KLHL17: variants seen among roughly 807,000 people sequenced by gnomAD.
KLHL17 encodes the protein kelch-like protein 17.
In KLHL17, 71 loss-of-function variants were observed where a neutral mutation model predicts 64.6. That is an observed-to-expected ratio of 1.10 (90% CI 0.91 to 1.34). The LOEUF (loss-of-function observed/expected upper bound fraction) is 1.34, where lower values mean the gene tolerates loss of function less well. Among genes scored for constraint, KLHL17 ranks in the 40% most tolerant of loss-of-function variants. KLHL17 has a pLI of 0.00. For missense variants in KLHL17, 1,140 were observed against 935.0 expected (o/e 1.22, Z -2.86); for synonymous variants, 612 against 405.4 (o/e 1.51, Z -6.12).
rs756357893 is a variant in KLHL17, at chr1:963,127, C to G, written c.1061C>G (p.Ala354Gly). ...LFAVGGGSLF[A>G]IHGDCEAYDT... ...TCCCCAGGCGGCGGGAGCCTGTTTG[C>G]CATCCACGGAGACTGTGAGGCCTAC... is the stretch of plus-strand genomic sequence containing the variant. Residue 354 changes from alanine (A) to glycine (G), a missense_variant, in exon 7 of 12, where the codon GCC becomes GGC. Ala to Gly is a moderately conservative substitution (Grantham distance 60). Transcript: ENST00000338591. The G allele has an allele frequency of 6.2e-7, 1 of 1,611,832 alleles. No individual in the cohort carries two copies. Among genetic ancestry groups the G allele is most frequent in the Non-Finnish European group, 8.5e-7 (1 of 1,179,508 alleles).
chr1:964,037 T>A, intron 9 of KLHL17, 29 bp downstream of exon 9: 2 of 1,612,068 alleles, frequency 1.2e-6, no homozygotes. Context: ...CTGGGGGGCA[T>A]CCCCACCTTC....
intron 6 of KLHL17, 45 bp downstream of exon 6, chr1:962,962 C>G (rs1259524050): frequency 6.6e-7 from 1 of 1,519,406 alleles, no homozygotes; most frequent in Admixed American, 2.0e-5. Flanking sequence ...GCCTTCTACT[C>G]CCCACCAGCA....
At chr1:964,817 G>A (rs1434142960) in intron 11 of KLHL17, 146 bp from the exon 12 acceptor site, 1 of 639,280 alleles carries the variant, frequency 1.6e-6, no homozygotes, top group Admixed American at 2.9e-5. Flanking sequence ...CCGGGAGGGG[G>A]GCGCGGGTCC....
rs1388363650 is a variant in KLHL17, at chr1:960,770, C to T, written c.77C>T (p.Ala26Val). Residue 26 changes from alanine (A) to valine (V), a missense_variant, in exon 1 of 12, where the codon GCG (alanine) becomes GTG (valine). By Grantham distance (64) the Ala-to-Val change is moderately conservative. Coordinates refer to ENST00000338591, the MANE Select transcript of KLHL17 (RefSeq NM_198317.3). The stretch of plus-strand genomic sequence containing the variant: ...GGCAGCCCGGGGCCCGGGCCCGAGG[C>T]GCCGCCGCCTCCACCGCCGCAGCCG... ...EHGSPGPGPE[A>V]PPPPPPQPPA... 1.1e-5 allele frequency: 12 copies of T among 1,125,130 alleles called. No homozygotes were observed. The highest frequency in any genetic ancestry group is 1.1e-5 in the Non-Finnish European group (10 of 918,198). The allele number at this position is 1,125,130 out of a possible 1,614,324, so 69.7% of individuals were successfully genotyped here.
rs776028783 is a variant in KLHL17, at chr1:960,674, GC to G, written c.-19del. 1 of 1,370,770 alleles carries G rather than the reference GC, an allele frequency of 7.3e-7. No homozygotes were observed. The highest frequency in any genetic ancestry group is 1.4e-5 in the South Asian group (1 of 69,096). 84.9% of individuals were successfully genotyped at this position (1,370,770 alleles called of 1,614,324 possible). On this transcript the variant is annotated 5_prime_UTR_variant, in exon 1 of 12. Coordinates refer to ENST00000338591, the MANE Select transcript of KLHL17 (RefSeq NM_198317.3). ...AAGCCCGCGGGTCCTCCGCGAATCGGCGGTGGGTCCGGCAGCCGAATGCAGC... is the reference window on the plus strand; with the variant it reads ...AAGCCCGCGGGTCCTCCGCGAATCGGGGTGGGTCCGGCAGCCGAATGCAGC...
At chr1:962,569 C>T (rs1008856344) in intron 5 of KLHL17, 98 bp downstream of exon 5, 35 of 1,538,602 alleles carry the variant, frequency 2.3e-5, no homozygotes, top group Admixed American at 5.8e-5. Flanking sequence ...TCAGGGACTC[C>T]GTGGGGGTGG....
At position 964,097 on chromosome 1, in the gene KLHL17, C is replaced by A; in HGVS notation, c.1445-10C>A. 1.9e-6 allele frequency: 3 copies of A among 1,612,696 alleles called. No individual in the cohort carries two copies. The highest frequency in any genetic ancestry group is 2.2e-5 in the South Asian group (2 of 91,090). On this transcript the variant is annotated splice_polypyrimidine_tract_variant and intron_variant, in intron 9 of 11. Transcript: ENST00000338591. ...AGCAGGAGTGCCACGGGTGTGTTGACTTCCGGCAGATGGGAACCTGTATGC... is the reference window on the plus strand; with the variant it reads ...AGCAGGAGTGCCACGGGTGTGTTGAATTCCGGCAGATGGGAACCTGTATGC...
At chr1:962,521 G>T in intron 5 of KLHL17, 50 bp downstream of exon 5, 1 of 1,600,194 alleles carries the variant, frequency 6.2e-7, no homozygotes, top group South Asian at 1.1e-5. Flanking sequence ...GGGCATGCAG[G>T]TGGCTGAGGG....
Position 961,427 on chromosome 1 carries a change from C to T in KLHL17, c.242C>T (p.Ala81Val), listed in dbSNP as rs767943431. 3 of 1,611,960 alleles carry T rather than the reference C, an allele frequency of 1.9e-6. No homozygotes were observed. Among genetic ancestry groups the T allele is most frequent in the Non-Finnish European group, 2.5e-6 (3 of 1,179,700 alleles). The change falls in exon 2 of 12, where the codon GCC becomes GTC. Residue 81 changes from alanine to valine, a missense_variant. Coordinates refer to ENST00000338591, the MANE Select transcript of KLHL17 (RefSeq NM_198317.3). ...SKRHYHDAFV[A>V]MSRMRQRGLL... ...CGGCACTACCACGATGCCTTCGTGG[C>T]CATGAGCCGCATGCGCCAGCGCGGC...
chr1:964,015 G>A lies in KLHL17; in HGVS notation c.1444+7G>A, dbSNP rs769095248. On this transcript the variant is annotated splice_region_variant and intron_variant, in intron 9 of 11. Coordinates refer to ENST00000338591, the MANE Select transcript of KLHL17 (RefSeq NM_198317.3). ...GTGCGAGTGGCCACGCTTGGTGGGTGATGGGGCCTGCCTGGGGGGCATCCC... is the reference window on the plus strand; with the variant it reads ...GTGCGAGTGGCCACGCTTGGTGGGTAATGGGGCCTGCCTGGGGGGCATCCC... 3.1e-6 allele frequency: 5 copies of A among 1,612,634 alleles called. No homozygotes were observed. The South Asian group carries it at 3.3e-5, about 11-fold the overall frequency.
At position 962,808 on chromosome 1, in the gene KLHL17, C is replaced by T. The variant is rs1642720083; in HGVS notation, c.933C>T (p.Leu311=). The change falls in exon 6 of 12, where the codon CTC becomes CTT. Residue 311 remains leucine, a synonymous_variant. Transcript: ENST00000338591. ...ACCACCCTGACTGCAAGGACCTCCT[C>T]ATCGAGGCCCTGAAGTTCCACCTGC... ...VRHHPDCKDL[L]IEALKFHLLP... is the part of the protein sequence containing the mutation. 1.2e-6 allele frequency: 2 copies of T among 1,609,618 alleles called. No individual in the cohort carries two copies. The highest frequency in any genetic ancestry group is 2.7e-5 in the African/African-American group (2 of 74,896).
At position 964,969 on chromosome 1, in the gene KLHL17, G is replaced by C. The variant is rs372754678; in HGVS notation, c.1707G>C (p.Thr569=). 6.9e-6 allele frequency: 11 copies of C among 1,605,042 alleles called. No homozygotes were observed. The highest frequency in any genetic ancestry group is 9.4e-6 in the Non-Finnish European group (11 of 1,174,710). Residue 569 remains threonine, a synonymous_variant, in exon 12 of 12, where the codon ACG becomes ACC. Transcript: ENST00000338591. ...CACCCCGCCTTCCCCCCAGGAGCAC[G>C]CATGACCTGGTGGCCATGGACGGAT... ...SVAPMNIRRS[T]HDLVAMDGWL...
In KLHL17 at chr1:960,585, G is replaced by C. The variant is rs1455467320; in HGVS notation, c.-109G>C. On this transcript the variant is annotated 5_prime_UTR_variant, in exon 1 of 12. Coordinates refer to ENST00000338591, the MANE Select transcript of KLHL17 (RefSeq NM_198317.3). ...ACAGCGGCTGCGGGCGGGAGCGGCG[G>C]GAGTGAGCGACACAGAGCGGGCCGC... is the stretch of plus-strand genomic sequence containing the variant. 2.1e-6 allele frequency: 2 copies of C among 972,580 alleles called. No homozygotes were observed. The highest frequency in any genetic ancestry group is 2.6e-6 in the Non-Finnish European group (2 of 777,658). 60.2% of individuals were successfully genotyped at this position (972,580 alleles called of 1,614,324 possible). A position where few individuals can be genotyped will look rare whatever the true frequency, so the allele number is the denominator to read the frequency against.
In KLHL17 at chr1:965,328, G is replaced by A. The variant is rs1481196427; in HGVS notation, c.*137G>A. On this transcript the variant is annotated 3_prime_UTR_variant, in exon 12 of 12. Coordinates refer to ENST00000338591, the MANE Select transcript of KLHL17 (RefSeq NM_198317.3). ...CTTTATTTAGTTGTTTATTTATTTA[G>A]TTATTTATCTTATTTATTGAGGGGT... 6 of 721,798 alleles carry A rather than the reference G, an allele frequency of 8.3e-6. No homozygotes were observed. Among genetic ancestry groups the A allele is most frequent in the African/African-American group, 1.8e-5 (1 of 55,706 alleles). The allele number at this position is 721,798 out of a possible 1,614,324, so 44.7% of individuals were successfully genotyped here. A position where few individuals can be genotyped will look rare whatever the true frequency, so the allele number is the denominator to read the frequency against.
intron 4 of KLHL17, 66 bp downstream of exon 4, chr1:962,113 C>A (rs749244360): frequency 1.5e-6 from 2 of 1,362,498 alleles, no homozygotes; most frequent in Admixed American, 4.0e-5. Flanking sequence ...TCTTTGACTC[C>A]CGACCCCGTT....
At chr1:961,221 G>A in intron 1 of KLHL17, 72 bp from the exon 2 acceptor site, 5 of 1,146,222 alleles carry the variant, frequency 4.4e-6, no homozygotes, top group Non-Finnish European at 3.3e-6. Flanking sequence ...CGGGCTGCCC[G>A]GGCCCCCCAG....
At position 963,159 on chromosome 1, in the gene KLHL17, C is replaced by T. The variant is rs748711259; in HGVS notation, c.1093C>T (p.Arg365Cys). ...CGGAGACTGTGAGGCCTACGACACG[C>T]GCACCGACCGCTGGCACGTGGTGGC... ...IHGDCEAYDT[R>C]TDRWHVVASM... The change falls in exon 7 of 12, where the codon CGC (arginine) becomes TGC (cysteine). Residue 365 changes from arginine to cysteine, a missense_variant. Transcript: ENST00000338591. 14 of 1,611,066 alleles carry T rather than the reference C, an allele frequency of 8.7e-6. No homozygotes were observed. The highest frequency in any genetic ancestry group is 1.0e-5 in the Non-Finnish European group (12 of 1,178,842).
Position 964,206 on chromosome 1 carries a change from C to A in KLHL17, c.1518+26C>A, listed in dbSNP as rs759307003. ...GTGCATAGTGCACCCCTCCTGGCCA[C>A]CCCCTCCCGTGCGCCGCGGGGCCCT... On this transcript the variant is annotated intron_variant, in intron 10 of 11. Transcript: ENST00000338591. 1.9e-6 allele frequency: 3 copies of A among 1,611,228 alleles called. No homozygotes were observed. The South Asian group carries it at 3.3e-5, about 18-fold the overall frequency.
Position 963,944 on chromosome 1 carries a change from C to G in KLHL17, c.1380C>G (p.Thr460=), listed in dbSNP as rs758322175. The change falls in exon 9 of 12, where the codon ACC becomes ACG. Residue 460 remains threonine, a synonymous_variant. Coordinates refer to ENST00000338591, the MANE Select transcript of KLHL17 (RefSeq NM_198317.3). ...GTGCTGAACGCTACGACCCCCTGAC[C>G]GGAACGTGGACGTCCGTCGCTGCCA... The part of the protein sequence containing the change: ...LNSAERYDPL[T]GTWTSVAAMS... The G allele has an allele frequency of 4.3e-6, 7 of 1,612,362 alleles. No homozygotes were observed. Among genetic ancestry groups the G allele is most frequent in the Admixed American group, 1.7e-5 (1 of 59,996 alleles).
Sources: allele counts gnomAD v4.1 joint callset, GRCh38; gene constraint gnomAD v4.1.1; transcripts MANE v1.5; gene names NCBI Gene and HGNC (gene_info 2026-07-23, HGNC 2026-07-21).